RNLS: variants seen among roughly 807,000 people sequenced by gnomAD.
The protein encoded by RNLS is renalase, FAD dependent amine oxidase.
Under a neutral mutation model 39.8 loss-of-function variants are expected in RNLS, and 39 were observed. That is an observed-to-expected ratio of 0.98 (90% CI 0.76 to 1.28). The LOEUF is 1.28. RNLS is among the 50% of genes most tolerant of loss of function. RNLS has a pLI of 0.00. For missense variants in RNLS, 410 were observed against 413.3 expected (o/e 0.99, Z 0.07); for synonymous variants, 147 against 150.7 (o/e 0.98, Z 0.18).
chr10:88,218,595 T>C, the RNLS span, among the ~76,000 whole-genome samples: 1 of 152,218 alleles, frequency 6.6e-6, no homozygotes, highest in South Asian at 2.1e-4. Context: ...GGACACCCAC[T>C]GTTAGGATAA....
intron 5 of RNLS, among the ~76,000 whole-genome samples, chr10:88,320,164 AAGTC>A (rs914741736): frequency 1.3e-5 from 2 of 152,012 alleles, no homozygotes; most frequent in African/African-American, 2.4e-5. Flanking sequence ...AAAAAAAAAA[AAGTC>A]AGCCAAGAAT....
the RNLS span, among the ~76,000 whole-genome samples, chr10:88,235,614 C>T: frequency 4.6e-5 from 7 of 152,294 alleles, no homozygotes; most frequent in African/African-American, 1.7e-4. Context: ...CACCCCTCCA[C>T]CTAGATTCAA....
intron 4 of RNLS, among the ~76,000 whole-genome samples, chr10:88,461,788 T>G (rs945752129): frequency 6.6e-6 from 1 of 152,068 alleles, no homozygotes; most frequent in Non-Finnish European, 1.5e-5. Flanking sequence ...AACTCATAGT[T>G]TGATATTTTA....
chr10:88,351,481 T>C (rs930316287), intron 5 of RNLS, among the ~76,000 whole-genome samples: 1 of 152,226 alleles, frequency 6.6e-6, no homozygotes, highest in South Asian at 2.1e-4. Context: ...ATTTGTTAAA[T>C]AGGGAATCCT....
intron 4 of RNLS, among the ~76,000 whole-genome samples, chr10:88,380,134 T>C (rs1170806913): frequency 6.6e-6 from 1 of 152,188 alleles, no homozygotes; most frequent in Non-Finnish European, 1.5e-5. Context: ...AGGTTGATTA[T>C]CTTTTCATGC....
chr10:88,333,829 A>C (rs1459816007), intron 5 of RNLS, among the ~76,000 whole-genome samples: 1 of 152,138 alleles, frequency 6.6e-6, no homozygotes, highest in Non-Finnish European at 1.5e-5. Flanking sequence ...CTTACAAAAG[A>C]GGCTTGAGGG....
chr10:88,269,083 C>T (rs544467816), downstream of RNLS, among the ~76,000 whole-genome samples: 1 of 152,168 alleles, frequency 6.6e-6, no homozygotes, highest in African/African-American at 2.4e-5. Context: ...TTGCTGGAAT[C>T]TATAATAAAG....
intron 5 of RNLS, among the ~76,000 whole-genome samples, chr10:88,323,321 A>T (rs1846320917): frequency 6.6e-6 from 1 of 152,186 alleles, no homozygotes; most frequent in Non-Finnish European, 1.5e-5. Context: ...AAAGAGAACA[A>T]GGCTGGAGGC....
intron 4 of RNLS, among the ~76,000 whole-genome samples, chr10:88,529,349 G>C (rs1847287074): frequency 6.6e-6 from 1 of 152,108 alleles, no homozygotes; most frequent in Non-Finnish European, 1.5e-5. Context: ...CCTCTGACTG[G>C]GTGGGCAGGT....
At chr10:88,507,720 T>C (rs1041296536) in intron 4 of RNLS, among the ~76,000 whole-genome samples, 2 of 152,168 alleles carry the variant, frequency 1.3e-5, no homozygotes, top group African/African-American at 2.4e-5. Context: ...TGAAGTACTT[T>C]CCAATGTAAA....
the RNLS span, among the ~76,000 whole-genome samples, chr10:88,217,821 C>G: frequency 6.7e-6 from 1 of 149,768 alleles, no homozygotes; most frequent in Admixed American, 6.7e-5. Context: ...GGGTGGATCA[C>G]CTGAGGTCAG....
chr10:88,377,792 C>T (rs936665727), intron 4 of RNLS, among the ~76,000 whole-genome samples: 2 of 152,056 alleles, frequency 1.3e-5, no homozygotes, highest in African/African-American at 4.8e-5. Context: ...ATAGGCTACT[C>T]TAAATTTATT....
chr10:88,506,954 C>T (rs532454128), intron 4 of RNLS, among the ~76,000 whole-genome samples: 2 of 152,248 alleles, frequency 1.3e-5, no homozygotes, highest in South Asian at 2.1e-4. Flanking sequence ...TAGCCACCCA[C>T]ATGTGAACTA....
At chr10:88,411,578 A>T (rs1853659140) in intron 4 of RNLS, among the ~76,000 whole-genome samples, 1 of 151,260 alleles carries the variant, frequency 6.6e-6, no homozygotes, top group Non-Finnish European at 1.5e-5. Flanking sequence ...ACTAACACTC[A>T]CACTTATGTA....
intron 4 of RNLS, among the ~76,000 whole-genome samples, chr10:88,511,106 A>G (rs1846099245): frequency 6.6e-6 from 1 of 151,892 alleles, no homozygotes; most frequent in South Asian, 2.1e-4. Flanking sequence ...GGAGAAATCT[A>G]TTCTAAAATT....
rs554059964 is a variant in RNLS, at chr10:88,443,867, C to T, written c.527-81142G>A. 1.8e-4 allele frequency among the ~76,000 whole-genome samples: 27 copies of T among 152,354 alleles called. No individual in the cohort carries two copies. The East Asian group carries it at 4.8e-3, about 27-fold the overall frequency. On this transcript the variant is annotated intron_variant, in intron 4 of 6. Transcript: ENST00000331772. Reference sequence around the variant, plus strand: ...GCCCACTGCAGCTCAAGGAGGCCTGCCTGCCTCTGTAGACTCCACCTCTCG... The same window carrying T: ...GCCCACTGCAGCTCAAGGAGGCCTGTCTGCCTCTGTAGACTCCACCTCTCG...
At chr10:88,395,911 T>C (rs947055381) in intron 4 of RNLS, among the ~76,000 whole-genome samples, 3 of 152,048 alleles carry the variant, frequency 2.0e-5, no homozygotes, top group East Asian at 1.9e-4. Flanking sequence ...TCAGAAACTA[T>C]GGTGGTCAGA....
Position 88,524,682 on chromosome 10 carries a change from T to A in RNLS, c.526+48221A>T, listed in dbSNP as rs1260825892. 2.6e-5 allele frequency among the ~76,000 whole-genome samples: 4 copies of A among 151,950 alleles called. No individual in the cohort carries two copies. The East Asian group carries it at 7.7e-4, about 29-fold the overall frequency. ...TGCCTATGTCTACCATGTCAGACAG[T>A]GCAGATATAGAACATTTCCAGGATC... is the stretch of plus-strand genomic sequence containing the variant. On this transcript the variant is annotated intron_variant, in intron 4 of 6. Coordinates refer to ENST00000331772, the MANE Select transcript of RNLS (RefSeq NM_001031709.3).
the RNLS span, among the ~76,000 whole-genome samples, chr10:88,201,357 A>G: frequency 1.3e-5 from 2 of 152,130 alleles, no homozygotes; most frequent in African/African-American, 4.8e-5. Context: ...AACAGAAGAG[A>G]GTGAAAGTGA....
Sources: gnomAD v4.1 joint callset for allele counts (sites outside exome capture counted in the v4.1 genomes callset) on GRCh38, gnomAD v4.1.1 for gene constraint, MANE v1.5 for transcripts, NCBI Gene and HGNC (gene_info 2026-07-23, HGNC 2026-07-21) for gene names.